The following HABP2 variants were observed in gnomAD, a reference collection of about 807,000 sequenced individuals.
HABP2 encodes factor VII-activating protease.
HABP2 carries 65 observed loss-of-function variants against 66.5 expected under a neutral mutation model. That is an observed-to-expected ratio of 0.98 (90% CI 0.80 to 1.20). HABP2 has a LOEUF of 1.20. Among genes scored for constraint, HABP2 ranks in the 50% most tolerant of loss-of-function variants. The pLI, the probability that HABP2 is intolerant of heterozygous loss-of-function variation, is 0.00. For missense variants in HABP2, 786 were observed against 691.0 expected (o/e 1.14, Z -1.54); for synonymous variants, 263 against 253.9 (o/e 1.04, Z -0.34).
At chr10:113,572,655 G>A (rs755976691) in intron 2 of HABP2, 16 of 452,046 alleles carry the variant, frequency 3.5e-5, no homozygotes, top group Middle Eastern at 3.2e-4. Flanking sequence ...GCTTTATCAC[G>A]CTAGATGGAG....
chr10:113,567,226 A>G (rs535684557), intron 1 of HABP2, among the ~76,000 whole-genome samples: 11 of 152,304 alleles, frequency 7.2e-5, no homozygotes, highest in African/African-American at 2.6e-4. Flanking sequence ...CAAAGCAAGG[A>G]CAGGTGCAGA....
intron 1 of HABP2, among the ~76,000 whole-genome samples, chr10:113,563,398 C>T (rs894167812): frequency 2.6e-5 from 4 of 152,178 alleles, no homozygotes; most frequent in Admixed American, 1.3e-4. Context: ...CCCATACGGT[C>T]CCTAAATATC....
In HABP2 at chr10:113,578,107, C is replaced by T. The variant is rs750314701; in HGVS notation, c.530C>T (p.Ala177Val). The T allele has an allele frequency of 6.2e-7, 1 of 1,614,108 alleles. No homozygotes were observed. The highest frequency in any genetic ancestry group is 2.2e-5 in the East Asian group (1 of 44,872). The change falls in exon 6 of 13, where the codon GCC becomes GTC. Residue 177 changes from alanine to valine, a missense_variant. Transcript: ENST00000351270. The part of the protein sequence containing the change: ...RHKRRSKFTC[A>V]CPDQFKGKFC... ...AAGCGGAGATCCAAGTTCACCTGTG[C>T]CTGTCCCGACCAGTTCAAGGGGAAA...
At chr10:113,568,932 T>C (rs1209517449) in intron 2 of HABP2, among the ~76,000 whole-genome samples, 1 of 152,172 alleles carries the variant, frequency 6.6e-6, no homozygotes, top group Non-Finnish European at 1.5e-5. Context: ...AATTGTGCAG[T>C]GAACAACTTG....
chr10:113,562,230 A>G (rs899041849), intron 1 of HABP2, among the ~76,000 whole-genome samples: 2 of 152,182 alleles, frequency 1.3e-5, no homozygotes, highest in South Asian at 2.1e-4. Flanking sequence ...ACCATGTGCT[A>G]TTTTAGCCCT....
intron 5 of HABP2, among the ~76,000 whole-genome samples, chr10:113,577,638 C>A (rs1176949877): frequency 2.0e-5 from 3 of 152,214 alleles, no homozygotes; most frequent in African/African-American, 7.2e-5. Context: ...CAAGGAGGAG[C>A]TTTACAGATG....
chr10:113,560,840 G>A (rs1042884610), intron 1 of HABP2, among the ~76,000 whole-genome samples: 4 of 152,202 alleles, frequency 2.6e-5, no homozygotes, highest in African/African-American at 4.8e-5. Context: ...ACAGAAAGTA[G>A]GCTAGAGATT....
In HABP2 at chr10:113,577,177, G is replaced by A; in HGVS notation, c.359G>A (p.Cys120Tyr). 4 of 1,611,302 alleles carry A rather than the reference G, an allele frequency of 2.5e-6. No individual in the cohort carries two copies. Among genetic ancestry groups the A allele is most frequent in the Non-Finnish European group, 3.4e-6 (4 of 1,177,426 alleles). ...CAAAATACGTGCAAGGACAACCCAT[G>A]TGGCCGGGGCCAATGTCTCATTACC... ...KVQNTCKDNP[C>Y]GRGQCLITQS... is the part of the protein sequence containing the mutation. Residue 120 changes from cysteine (C) to tyrosine (Y), a missense_variant, in exon 5 of 13, where the codon TGT (cysteine) becomes TAT (tyrosine). Coordinates refer to ENST00000351270, the MANE Select transcript of HABP2 (RefSeq NM_004132.5).
At chr10:113,582,738 G>A (rs1564680478) in intron 9 of HABP2, among the ~76,000 whole-genome samples, 1 of 152,198 alleles carries the variant, frequency 6.6e-6, no homozygotes, top group Non-Finnish European at 1.5e-5. Flanking sequence ...AACTTCTGGG[G>A]AGCTGAAGAG....
chr10:113,554,725 A>T (rs1844959849), intron 1 of HABP2, among the ~76,000 whole-genome samples: 1 of 152,212 alleles, frequency 6.6e-6, no homozygotes, highest in South Asian at 2.1e-4. Flanking sequence ...GGCAAGGAGA[A>T]ACGTTGACAC....
intron 7 of HABP2, among the ~76,000 whole-genome samples, 166 bp from the exon 8 acceptor site, chr10:113,580,429 A>G (rs1845502832): frequency 6.6e-6 from 1 of 152,196 alleles, no homozygotes; most frequent in Admixed American, 6.5e-5. Context: ...AAAAAATACT[A>G]TAAACACCCT....
Position 113,574,309 on chromosome 10 carries a change from G to T in HABP2, c.127G>T (p.Asp43Tyr), listed in dbSNP as rs370803815. ...TGCAGACTGGACCCCTGACCAGTAT[G>T]ATTACAGCTACGAGGATTATAATCA... The part of the protein sequence containing the change: ...LDPDWTPDQY[D>Y]YSYEDYNQEE... The change falls in exon 3 of 13, where the codon GAT (aspartate) becomes TAT (tyrosine). Residue 43 changes from aspartate to tyrosine, a missense_variant. By Grantham distance (160) the Asp-to-Tyr change is radical. Coordinates refer to ENST00000351270, the MANE Select transcript of HABP2 (RefSeq NM_004132.5). The T allele has an allele frequency of 1.3e-6, 2 of 1,597,418 alleles. No homozygotes were observed. The highest frequency in any genetic ancestry group is 2.7e-5 in the African/African-American group (2 of 74,698).
Position 113,589,570 on chromosome 10 carries a change from G to C in HABP2, c.*1201G>C. The stretch of plus-strand genomic sequence containing the variant: ...GTTTCACACTTCTTTAGAGCTAGCT[G>C]ACCTTTGGCCAAAAATAAACTTTGA... On this transcript the variant is annotated 3_prime_UTR_variant, in exon 13 of 13. Coordinates refer to ENST00000351270, the MANE Select transcript of HABP2 (RefSeq NM_004132.5). 1 of 1,446,830 alleles carries C rather than the reference G, an allele frequency of 6.9e-7. No homozygotes were observed. Among genetic ancestry groups the C allele is most frequent in the Non-Finnish European group, 9.4e-7 (1 of 1,067,388 alleles). 89.6% of individuals were successfully genotyped at this position (1,446,830 alleles called of 1,614,324 possible).
At chr10:113,580,769 T>A (rs1271484400) in intron 8 of HABP2, 77 bp downstream of exon 8, 1 of 777,544 alleles carries the variant, frequency 1.3e-6, no homozygotes, top group African/African-American at 1.7e-5. Flanking sequence ...TGGCACCTGG[T>A]CCCTCCCTCA....
intron 10 of HABP2, 134 bp downstream of exon 10, chr10:113,583,492 T>G: frequency 1.4e-6 from 1 of 739,226 alleles, no homozygotes; most frequent in Non-Finnish European, 2.3e-6. Flanking sequence ...CGGTAGGGAA[T>G]GTATTCCAGG....
intron 2 of HABP2, among the ~76,000 whole-genome samples, chr10:113,573,181 C>G (rs573534696): frequency 1.3e-5 from 2 of 152,322 alleles, no homozygotes; most frequent in Non-Finnish European, 2.9e-5. Flanking sequence ...AGAGCAAAGT[C>G]AACCTGACTT....
intron 3 of HABP2, among the ~76,000 whole-genome samples, chr10:113,574,765 C>T (rs1845378433): frequency 6.6e-6 from 1 of 152,190 alleles, no homozygotes; most frequent in Admixed American, 6.5e-5. Flanking sequence ...AGGTCAGACC[C>T]TAAGGATGCA....
In HABP2 at chr10:113,574,431, C is replaced by T. The variant is rs781369992; in HGVS notation, c.223+26C>T. On this transcript the variant is annotated intron_variant, in intron 3 of 12. Coordinates refer to ENST00000351270, the MANE Select transcript of HABP2 (RefSeq NM_004132.5). ...GTAGGTACCAAATCTCTTTCAGGGA[C>T]TCTCCTGGGAGAAGGTCAGAGCGGA... The T allele has an allele frequency of 2.6e-6, 3 of 1,142,874 alleles. No individual in the cohort carries two copies. The South Asian group carries it at 3.7e-5, about 14-fold the overall frequency. 70.8% of individuals were successfully genotyped at this position (1,142,874 alleles called of 1,614,324 possible).
chr10:113,581,982 T>G lies in HABP2; in HGVS notation c.945T>G (p.Tyr315Ter). Residue 315 changes from tyrosine (Y) to a stop codon, truncating the protein, a stop_gained, in exon 9 of 13, where the codon TAT becomes TAG. Coordinates refer to ENST00000351270, the MANE Select transcript of HABP2 (RefSeq NM_004132.5). LOFTEE classifies it high-confidence loss of function. The part of the protein sequence containing the change: ...EIAERKIKRI[Y>*]GGFKSTAGKH... ...CAGAGAGGAAGATCAAGAGAATCTA[T>G]GGAGGCTTTAAGAGCACGGCGGGCA... 6.2e-7 allele frequency: 1 copy of G among 1,614,202 alleles called. No homozygotes were observed. Among genetic ancestry groups the G allele is most frequent in the Non-Finnish European group, 8.5e-7 (1 of 1,180,016 alleles).
Sources: allele counts gnomAD v4.1 joint callset (sites outside exome capture counted in the v4.1 genomes callset), GRCh38; gene constraint gnomAD v4.1.1; transcripts MANE v1.5; gene names NCBI Gene and HGNC (gene_info 2026-07-23, HGNC 2026-07-21).